POFUT3: variants seen among roughly 807,000 people sequenced by gnomAD.
The protein encoded by POFUT3 is protein O-fucosyltransferase 3.
chr8:33,465,407 C>T, the POFUT3 span, among the ~76,000 whole-genome samples: 28 of 102,564 alleles, frequency 2.7e-4, no homozygotes, highest in Middle Eastern at 4.6e-3. Context: ...TATATATATA[C>T]ACACATACAT....
At chr8:33,452,639 T>A in the POFUT3 span, 1 of 151,988 alleles carries the variant, frequency 6.6e-6, no homozygotes, top group Admixed American at 6.6e-5. Context: ...AACACACATG[T>A]ATATATAACT....
chr8:33,353,908 T>C, the POFUT3 span, among the ~76,000 whole-genome samples: 65 of 152,302 alleles, frequency 4.3e-4, no homozygotes, highest in Middle Eastern at 0.01. Flanking sequence ...AAGAAACCAA[T>C]AGAAAGCCTC....
the POFUT3 span, among the ~76,000 whole-genome samples, chr8:33,353,884 C>T: frequency 6.6e-6 from 1 of 152,200 alleles, no homozygotes; most frequent in Non-Finnish European, 1.5e-5. Flanking sequence ...AAAACTAAGA[C>T]TTTGGCCTCG....
At chr8:33,328,654 C>A in the POFUT3 span, among the ~76,000 whole-genome samples, 2 of 151,952 alleles carry the variant, frequency 1.3e-5, no homozygotes, top group Non-Finnish European at 2.9e-5. Context: ...TAAAAACTAC[C>A]ACCAGCCCGA....
At chr8:33,378,255 C>A in the POFUT3 span, among the ~76,000 whole-genome samples, 1 of 152,152 alleles carries the variant, frequency 6.6e-6, no homozygotes, top group Non-Finnish European at 1.5e-5. Context: ...CATGTAAAGG[C>A]CTTAAGCCAC....
At chr8:33,401,131 T>A in the POFUT3 span, among the ~76,000 whole-genome samples, 1 of 152,080 alleles carries the variant, frequency 6.6e-6, no homozygotes, top group Non-Finnish European at 1.5e-5. Context: ...TACAGGTGCA[T>A]GCCACCATGC....
chr8:33,384,290 C>CA, the POFUT3 span, among the ~76,000 whole-genome samples: 1 of 152,278 alleles, frequency 6.6e-6, no homozygotes. Context: ...TCATCACTGC[C>CA]ACTGTTGAAG....
chr8:33,335,002 T>G, the POFUT3 span, among the ~76,000 whole-genome samples: 1 of 152,222 alleles, frequency 6.6e-6, no homozygotes, highest in African/African-American at 2.4e-5. Flanking sequence ...GCCGACTTTT[T>G]CACAATTAAA....
the POFUT3 span, among the ~76,000 whole-genome samples, chr8:33,435,496 G>A: frequency 2.8e-5 from 4 of 145,036 alleles, no homozygotes; most frequent in Non-Finnish European, 4.5e-5. Flanking sequence ...GATTACAGGC[G>A]TGAGCCACCG....
chr8:33,462,797 G>C, the POFUT3 span, among the ~76,000 whole-genome samples: 2 of 152,008 alleles, frequency 1.3e-5, no homozygotes, highest in African/African-American at 4.8e-5. Flanking sequence ...TGGGCATGGG[G>C]GTGTGCACCT....
At chr8:33,412,752 C>T in the POFUT3 span, among the ~76,000 whole-genome samples, 12 of 152,300 alleles carry the variant, frequency 7.9e-5, no homozygotes, top group African/African-American at 2.6e-4. Flanking sequence ...CTCACCCTCC[C>T]GAGCAGCTGG....
At chr8:33,362,783 G>A in the POFUT3 span, among the ~76,000 whole-genome samples, 1 of 152,086 alleles carries the variant, frequency 6.6e-6, no homozygotes, top group South Asian at 2.1e-4. Context: ...AGTCCTTAGA[G>A]ACCTACGAAG....
the POFUT3 span, chr8:33,461,796 GA>G: frequency 4.5e-5 from 24 of 527,884 alleles, no homozygotes; most frequent in African/African-American, 4.7e-4. Flanking sequence ...GGGTGATCAT[GA>G]AAAAACATAG....
At chr8:33,434,829 G>A in the POFUT3 span, among the ~76,000 whole-genome samples, 8 of 152,158 alleles carry the variant, frequency 5.3e-5, no homozygotes, top group South Asian at 2.1e-4. Flanking sequence ...CTCCCACATC[G>A]CCTCACAGGG....
chr8:33,357,624 T>A, the POFUT3 span, among the ~76,000 whole-genome samples: 2 of 152,174 alleles, frequency 1.3e-5, no homozygotes, highest in South Asian at 4.1e-4. Flanking sequence ...TTTTCCCCTA[T>A]TCCTTTTCCT....
chr8:33,430,124 C>A, the POFUT3 span, among the ~76,000 whole-genome samples: 1 of 152,086 alleles, frequency 6.6e-6, no homozygotes, highest in Non-Finnish European at 1.5e-5. Flanking sequence ...GAGGCTATGA[C>A]TGAGAAAACC....
At chr8:33,379,792 T>A in the POFUT3 span, among the ~76,000 whole-genome samples, 1 of 136,828 alleles carries the variant, frequency 7.3e-6, no homozygotes, top group African/African-American at 2.8e-5. Context: ...GCTGAGATCA[T>A]ACCACTGCAC....
the POFUT3 span, among the ~76,000 whole-genome samples, chr8:33,327,918 GC>G: frequency 6.6e-6 from 1 of 152,106 alleles, no homozygotes; most frequent in African/African-American, 2.4e-5. Flanking sequence ...GAAACCAGAG[GC>G]TTTGTCATGT....
chr8:33,456,360 T>A, the POFUT3 span, among the ~76,000 whole-genome samples: 1,871 of 152,192 alleles, frequency 0.012, 42 homozygotes, highest in African/African-American at 0.043. Flanking sequence ...ATTTATTTTT[T>A]ATTTTTTTAT....
Sources: gnomAD v4.1 joint callset for allele counts (sites outside exome capture counted in the v4.1 genomes callset) on GRCh38, gnomAD v4.1.1 for gene constraint, MANE v1.5 for transcripts, NCBI Gene and HGNC (gene_info 2026-07-23, HGNC 2026-07-21) for gene names.